The following RARB variants were observed in gnomAD, a reference collection of about 807,000 sequenced individuals.
RARB encodes retinoic acid receptor beta.
A neutral mutation model predicts 51.9 loss-of-function variants in RARB; 17 were observed. The ratio of observed to expected loss-of-function variants is 0.33; its 90% CI spans 0.22 to 0.49. RARB has a LOEUF of 0.49. Among genes scored for constraint, RARB ranks in the 20% least tolerant of loss-of-function variants. The pLI, the probability that RARB is intolerant of heterozygous loss-of-function variation, is 0.99. For missense variants in RARB, 369 were observed against 550.8 expected (o/e 0.67, Z 3.30); for synonymous variants, 215 against 195.4 (o/e 1.10, Z -0.84).
At chr3:25,461,144 C>T (rs1224335287) in intron 1 of RARB, 49 bp from the exon 2 acceptor site, 2 of 1,500,932 alleles carry the variant, frequency 1.3e-6, no homozygotes, top group South Asian at 1.4e-5. Flanking sequence ...AAGTAATGAA[C>T]TAAAATACAT....
chr3:24,866,695 C>CT (rs1447616434), intron 2 of RARB, among the ~76,000 whole-genome samples: 1 of 152,140 alleles, frequency 6.6e-6, no homozygotes. Flanking sequence ...TTCCTTCTTG[C>CT]TTTTCAGTTT....
intron 2 of RARB, among the ~76,000 whole-genome samples, chr3:25,045,265 A>C (rs774346435): frequency 2.0e-5 from 3 of 152,188 alleles, no homozygotes; most frequent in Non-Finnish European, 2.9e-5. Flanking sequence ...GTGCATTTAT[A>C]GATAGGTCAG....
chr3:25,373,750 C>A (rs1706375365), intron 5 of RARB, among the ~76,000 whole-genome samples: 1 of 152,134 alleles, frequency 6.6e-6, no homozygotes, highest in Non-Finnish European at 1.5e-5. Context: ...TCTCACACTC[C>A]CTTCTAACTT....
At chr3:25,316,624 A>G (rs1704432308) in intron 5 of RARB, among the ~76,000 whole-genome samples, 1 of 152,232 alleles carries the variant, frequency 6.6e-6, no homozygotes. Context: ...TCAGATGGTA[A>G]CAATATTTTA....
chr3:25,288,020 A>G (rs1444022300), intron 5 of RARB, among the ~76,000 whole-genome samples: 1 of 152,172 alleles, frequency 6.6e-6, no homozygotes, highest in African/African-American at 2.4e-5. Context: ...TTTTAAAAAT[A>G]AAGTTCATAT....
intron 5 of RARB, among the ~76,000 whole-genome samples, chr3:25,288,009 T>C (rs1013739512): frequency 2.0e-5 from 3 of 152,132 alleles, no homozygotes; most frequent in Non-Finnish European, 4.4e-5. Flanking sequence ...AGCTGGTAGA[T>C]TTTTAAAAAT....
chr3:25,509,444 G>T (rs1444088702), intron 3 of RARB, among the ~76,000 whole-genome samples: 1 of 152,150 alleles, frequency 6.6e-6, no homozygotes, highest in Non-Finnish European at 1.5e-5. Flanking sequence ...TATACTTCAG[G>T]AGAAAAGTTA....
intron 5 of RARB, among the ~76,000 whole-genome samples, chr3:25,283,883 C>T (rs1211451620): frequency 1.3e-5 from 2 of 152,198 alleles, no homozygotes; most frequent in Non-Finnish European, 2.9e-5. Context: ...CAGTGATCCC[C>T]ACCTCCTGGC....
chr3:25,121,902 A>G (rs1699790106), intron 3 of RARB, among the ~76,000 whole-genome samples: 1 of 152,154 alleles, frequency 6.6e-6, no homozygotes, highest in South Asian at 2.1e-4. Flanking sequence ...GGGACCTGTC[A>G]CGTTCTTCTA....
chr3:25,260,051 C>T (rs1315201916), intron 5 of RARB: 3 of 947,866 alleles, frequency 3.2e-6, no homozygotes, highest in Admixed American at 1.2e-4. Flanking sequence ...GGTGTGAGTT[C>T]GTGTGTGGCT....
rs567798897 is a variant in RARB, at chr3:25,242,059, C to G, written c.178+67484C>G. 2.1e-4 allele frequency among the ~76,000 whole-genome samples: 32 copies of G among 152,316 alleles called. 2 individuals carry two copies. The South Asian group carries it at 3.9e-3, about 19-fold the overall frequency. On this transcript the variant is annotated intron_variant, in intron 5 of 11. Transcript: ENST00000383772. ...GTTTTGATTTGCATTTCTCTAATGACCAGTGGATGAGCTTCTTTTCATATG... is the reference window on the plus strand; with the variant it reads ...GTTTTGATTTGCATTTCTCTAATGAGCAGTGGATGAGCTTCTTTTCATATG...
intron 2 of RARB, among the ~76,000 whole-genome samples, chr3:24,994,892 A>G (rs1206865205): frequency 1.3e-5 from 2 of 151,978 alleles, no homozygotes; most frequent in African/African-American, 4.8e-5. Flanking sequence ...TTCAGTTACT[A>G]CAGTGTTGTA....
chr3:25,482,975 G>A (rs1696306364), intron 2 of RARB, among the ~76,000 whole-genome samples: 1 of 152,156 alleles, frequency 6.6e-6, no homozygotes, highest in African/African-American at 2.4e-5. Flanking sequence ...TTCATAGTTA[G>A]TCTTCAAAAT....
intron 3 of RARB, among the ~76,000 whole-genome samples, chr3:25,556,881 A>G (rs889142672): frequency 3.9e-5 from 6 of 152,234 alleles, no homozygotes; most frequent in Non-Finnish European, 5.9e-5. Flanking sequence ...ACAGTTGGCA[A>G]TTATGAGTTT....
At chr3:25,489,838 C>A (rs1471834161) in intron 2 of RARB, among the ~76,000 whole-genome samples, 4 of 152,216 alleles carry the variant, frequency 2.6e-5, no homozygotes, top group African/African-American at 9.6e-5. Context: ...GCATGAGCAA[C>A]TTTGAGGGGC....
At chr3:25,427,873 G>T (rs529227283), upstream of RARB, among the ~76,000 whole-genome samples, 2 of 152,154 alleles carry the variant, frequency 1.3e-5, no homozygotes, top group African/African-American at 2.4e-5. Context: ...GTGTGGGCTG[G>T]GGGGCGAGGC....
intron 2 of RARB, among the ~76,000 whole-genome samples, chr3:24,881,044 G>C (rs532663478): frequency 1.3e-5 from 2 of 152,122 alleles, no homozygotes; most frequent in African/African-American, 4.8e-5. Context: ...TCATGGGGTT[G>C]GTTTCCCCCA....
At chr3:24,878,212 T>C (rs79623845) in intron 2 of RARB, among the ~76,000 whole-genome samples, 1 of 16,676 alleles carries the variant, frequency 6.0e-5, no homozygotes, top group Non-Finnish European at 9.9e-5. Context: ...GCCAAACCAT[T>C]TTTTTTTTTT....
chr3:25,011,917 A>AT (rs1241012861), intron 2 of RARB, among the ~76,000 whole-genome samples: 1 of 152,222 alleles, frequency 6.6e-6, no homozygotes, highest in East Asian at 1.9e-4. Context: ...GCACAATTTT[A>AT]TTTAGGGAGA....
Sources: allele counts gnomAD v4.1 joint callset (sites outside exome capture counted in the v4.1 genomes callset), GRCh38; gene constraint gnomAD v4.1.1; transcripts MANE v1.5; gene names NCBI Gene and HGNC (gene_info 2026-07-23, HGNC 2026-07-21).